The following ACOT9 variants were observed in gnomAD, a reference collection of about 807,000 sequenced individuals.
The protein encoded by ACOT9 is acyl-CoA thioesterase 9, also known as acyl-coenzyme A thioesterase 9, mitochondrial.
ACOT9 carries 34 observed loss-of-function variants against 39.7 expected under a neutral mutation model. The ratio of observed to expected loss-of-function variants is 0.86; its 90% CI spans 0.65 to 1.14. The LOEUF is 1.14. Among genes scored for constraint, ACOT9 ranks in the 50% most tolerant of loss-of-function variants. ACOT9 has a pLI of 0.00. For missense variants in ACOT9, 313 were observed against 344.1 expected, an observed-to-expected ratio of 0.91 and a Z score of 0.71; for synonymous variants, 110 against 120.5, an observed-to-expected ratio of 0.91 and a Z score of 0.57.
In ACOT9 at chrX:23,742,209, T is replaced by TGAGAGA. The variant is rs760648597; in HGVS notation, c.20+915_20+916insTCTCTC. 5.5e-3 allele frequency among the ~76,000 whole-genome samples: 310 copies of TGAGAGA among 56,222 alleles called. 13 individuals are homozygous for TGAGAGA. The highest frequency in any genetic ancestry group is 0.029 in the African/African-American group (229 of 7,957). The allele number at this position is 56,222 out of a possible 115,157, so 48.8% of individuals were successfully genotyped here. A position where few individuals can be genotyped will look rare whatever the true frequency, so the allele number is the denominator to read the frequency against. ...TAACAAAGTCCCCAGGAACAGTGAG[T>TGAGAGA]GAGTGAGAGAGAGAGAGAGAGAGAG... On this transcript the variant is annotated intron_variant, in intron 1 of 15. Coordinates refer to ENST00000379303, the MANE Select transcript of ACOT9 (RefSeq NM_001037171.2).
chrX:23,706,743 G>A lies in ACOT9; in HGVS notation c.731-4C>T, dbSNP rs370991464. On this transcript the variant is annotated splice_polypyrimidine_tract_variant and splice_region_variant and intron_variant, in intron 10 of 15. Coordinates refer to ENST00000379303, the MANE Select transcript of ACOT9 (RefSeq NM_001037171.2). ...GCAATTCTTCTCCCCTTGTTCACTGGAACAAGGGAGAATAAGGAGCAATGA... is the reference window on the plus strand; with the variant it reads ...GCAATTCTTCTCCCCTTGTTCACTGAAACAAGGGAGAATAAGGAGCAATGA... The A allele has an allele frequency of 1.0e-4, 114 of 1,095,336 alleles. No individual in the cohort carries two copies. Among genetic ancestry groups the A allele is most frequent in the Non-Finnish European group, 1.4e-4 (114 of 799,508 alleles). The allele number at this position is 1,095,336 out of a possible 1,213,427, so 90.3% of individuals were successfully genotyped here.
chrX:23,709,926 C>T (rs1928834839), intron 9 of ACOT9, among the ~76,000 whole-genome samples: 1 of 112,202 alleles, frequency 8.9e-6, no homozygotes, highest in African/African-American at 3.2e-5. Flanking sequence ...CTTGCCCTGT[C>T]GCCCAGGCTG....
intron 1 of ACOT9, among the ~76,000 whole-genome samples, chrX:23,737,306 C>T (rs1295316544): frequency 9.0e-6 from 1 of 111,077 alleles, no homozygotes; most frequent in Non-Finnish European, 1.9e-5. Flanking sequence ...GAGCAAGACT[C>T]TGTCTCAAAA....
chrX:23,729,628 A>AT (rs1929657119), intron 6 of ACOT9, among the ~76,000 whole-genome samples: 4 of 52,407 alleles, frequency 7.6e-5, no homozygotes, highest in African/African-American at 1.3e-4. Context: ...AGGGACAAAA[A>AT]ATTTTTTTCT....
chrX:23,732,508 TATTC>T (rs748448404), intron 4 of ACOT9, among the ~76,000 whole-genome samples: 1 of 112,190 alleles, frequency 8.9e-6, no homozygotes, highest in East Asian at 2.8e-4. Flanking sequence ...GGTACACAGG[TATTC>T]ATTCTTTCTA....
In ACOT9 at chrX:23,705,014, T is replaced by C. The variant is rs2146811166; in HGVS notation, c.1086A>G (p.Ser362=). The C allele has an allele frequency of 1.7e-6, 2 of 1,209,306 alleles. No homozygotes were observed. Among genetic ancestry groups the C allele is most frequent in the East Asian group, 5.9e-5 (2 of 33,772 alleles). Reference sequence around the variant, plus strand: ...CTACCTGTGAAGAAAGAAAGAGCAATGAGCCAACCTCAACAGGTTTCTGAA... The same window carrying C: ...CTACCTGTGAAGAAAGAAAGAGCAACGAGCCAACCTCAACAGGTTTCTGAA... ...IMFQKPVEVG[S]LLFLSSQVCF... Residue 362 remains serine (S), a synonymous_variant, in exon 14 of 16, where the codon TCA becomes TCG. Coordinates refer to ENST00000379303, the MANE Select transcript of ACOT9 (RefSeq NM_001037171.2).
chrX:23,724,418 T>A (rs764381359), intron 6 of ACOT9, among the ~76,000 whole-genome samples: 5 of 111,479 alleles, frequency 4.5e-5, no homozygotes, highest in Non-Finnish European at 5.7e-5. Context: ...GAGGATCACG[T>A]GAGCCCAGAG....
At position 23,705,753 on chromosome X, in the gene ACOT9, A is replaced by G. The variant is rs373681059; in HGVS notation, c.933+15T>C. 1.7e-6 allele frequency: 2 copies of G among 1,191,631 alleles called. No individual in the cohort carries two copies. Among genetic ancestry groups the G allele is most frequent in the African/African-American group, 3.5e-5 (2 of 56,988 alleles). On this transcript the variant is annotated intron_variant, in intron 12 of 15. Coordinates refer to ENST00000379303, the MANE Select transcript of ACOT9 (RefSeq NM_001037171.2). ...GGAAGCTATCCTATTCGGATTTCTC[A>G]CTAAATTATAATACCTGAGGGTGGC...
chrX:23,734,389 C>T, intron 2 of ACOT9, 22 bp from the exon 3 acceptor site: 1 of 1,145,989 alleles, frequency 8.7e-7, no homozygotes, highest in Non-Finnish European at 1.2e-6. Flanking sequence ...AAGGGAAAAT[C>T]AATTAGAGAA....
At chrX:23,711,191 G>GC (rs373221077) in intron 9 of ACOT9, among the ~76,000 whole-genome samples, 18 of 108,121 alleles carry the variant, frequency 1.7e-4, no homozygotes, top group African/African-American at 6.0e-4. Flanking sequence ...GCATAATGGG[G>GC]CATGCCTGTA....
At chrX:23,716,896 C>T (rs974283578) in intron 8 of ACOT9, among the ~76,000 whole-genome samples, 1 of 110,460 alleles carries the variant, frequency 9.1e-6, no homozygotes. Context: ...ACTCTGTCGC[C>T]GAGGCTGGGG....
chrX:23,704,084 C>T (rs989265158), intron 15 of ACOT9, 102 bp from the exon 16 acceptor site: 1 of 641,613 alleles, frequency 1.6e-6, no homozygotes, highest in Non-Finnish European at 2.4e-6. Context: ...TGGGACAGAA[C>T]AAGATACACT....
intron 6 of ACOT9, among the ~76,000 whole-genome samples, chrX:23,728,635 T>C (rs1335288949): frequency 9.0e-6 from 1 of 111,555 alleles, no homozygotes; most frequent in African/African-American, 3.3e-5. Flanking sequence ...TGTACGTATA[T>C]GCACATATAT....
intron 1 of ACOT9, among the ~76,000 whole-genome samples, chrX:23,740,901 A>G (rs1255899164): frequency 9.1e-6 from 1 of 109,774 alleles, no homozygotes; most frequent in African/African-American, 3.3e-5. Context: ...TACTGTGGAG[A>G]GGCCTTTGCA....
chrX:23,733,309 A>T, intron 3 of ACOT9, 92 bp from the exon 4 acceptor site: 3 of 764,447 alleles, frequency 3.9e-6, no homozygotes, highest in Non-Finnish European at 5.9e-6. Context: ...AAAGCAATTC[A>T]TGCACTCAAA....
At chrX:23,721,821 C>T in intron 8 of ACOT9, 60 bp downstream of exon 8, 1 of 999,539 alleles carries the variant, frequency 1.0e-6, no homozygotes, top group African/African-American at 1.9e-5. Context: ...ATAAGCTTTT[C>T]TTGCATGGAG....
At chrX:23,742,532 C>T (rs1920986552) in intron 1 of ACOT9, among the ~76,000 whole-genome samples, 1 of 110,809 alleles carries the variant, frequency 9.0e-6, no homozygotes, top group Non-Finnish European at 1.9e-5. Flanking sequence ...CCTCCCTTAC[C>T]CACGTGGCCC....
At chrX:23,738,059 G>A (rs1161171219) in intron 1 of ACOT9, among the ~76,000 whole-genome samples, 1 of 105,270 alleles carries the variant, frequency 9.5e-6, no homozygotes, top group Non-Finnish European at 1.9e-5. Context: ...AGTAGAGACG[G>A]GGTTTCATCA....
At chrX:23,713,250 T>G (rs1394537827) in intron 8 of ACOT9, 42 bp from the exon 9 acceptor site, 2 of 1,075,913 alleles carry the variant, frequency 1.9e-6, no homozygotes, top group Non-Finnish European at 2.6e-6. Flanking sequence ...GAGAAATGGA[T>G]TTATCGGGAA....
Sources: gnomAD v4.1 joint callset for allele counts (sites outside exome capture counted in the v4.1 genomes callset) on GRCh38, gnomAD v4.1.1 for gene constraint, MANE v1.5 for transcripts, NCBI Gene and HGNC (gene_info 2026-07-23, HGNC 2026-07-21) for gene names.